STAT5B: variants seen among roughly 807,000 people sequenced by gnomAD.
STAT5B encodes transcription factor STAT5B.
In STAT5B, 21 loss-of-function variants were observed where a neutral mutation model predicts 107.8. That is an observed-to-expected ratio of 0.19 (90% CI 0.14 to 0.28). The LOEUF (loss-of-function observed/expected upper bound fraction) is 0.28, where lower values mean the gene tolerates loss of function less well. Ranked by LOEUF, STAT5B falls within the 10% of genes least tolerant of loss-of-function variation. The pLI, the probability that STAT5B is intolerant of heterozygous loss-of-function variation, is 1.00. For missense variants in STAT5B, 565 were observed against 1,008.2 expected, an observed-to-expected ratio of 0.56 and a Z score of 5.95; for synonymous variants, 325 against 401.7, an observed-to-expected ratio of 0.81 and a Z score of 2.28.
chr17:42,225,137 C>G (rs1018761230), intron 3 of STAT5B, among the ~76,000 whole-genome samples: 1 of 152,162 alleles, frequency 6.6e-6, no homozygotes, highest in Non-Finnish European at 1.5e-5. Flanking sequence ...CCACTGCAAC[C>G]TCTGCCTCCT....
chr17:42,240,571 A>T (rs555160397), intron 1 of STAT5B, among the ~76,000 whole-genome samples: 3 of 152,190 alleles, frequency 2.0e-5, no homozygotes, highest in Admixed American at 1.3e-4. Context: ...GATAGTGGTG[A>T]TAATTGTATA....
At chr17:42,202,155 G>A (rs993557759) in intron 18 of STAT5B, 185 bp downstream of exon 18, 22 of 717,922 alleles carry the variant, frequency 3.1e-5, no homozygotes, top group African/African-American at 7.2e-5. Flanking sequence ...TGCCCAACCC[G>A]ACTCTAAACC....
chr17:42,220,889 C>A (rs1376059949), intron 5 of STAT5B, among the ~76,000 whole-genome samples: 5 of 152,116 alleles, frequency 3.3e-5, no homozygotes, highest in African/African-American at 7.2e-5. Context: ...TCCACAGTTA[C>A]AACCACCACC....
chr17:42,217,799 G>A (rs944759034), intron 9 of STAT5B: 2 of 438,678 alleles, frequency 4.6e-6, no homozygotes, highest in East Asian at 5.1e-5. Context: ...CTGCCTCCCA[G>A]GTTCAAGGGA....
intron 9 of STAT5B, 124 bp downstream of exon 9, chr17:42,218,027 T>C: frequency 6.7e-7 from 1 of 1,503,534 alleles, no homozygotes; most frequent in Non-Finnish European, 9.1e-7. Context: ...TTATATTCCT[T>C]TGCTGATGCC....
At chr17:42,247,765 T>C (rs915274387) in intron 1 of STAT5B, among the ~76,000 whole-genome samples, 2 of 151,952 alleles carry the variant, frequency 1.3e-5, no homozygotes, top group African/African-American at 4.8e-5. Flanking sequence ...TTGGGCAACA[T>C]ATCAAGGCTC....
At chr17:42,256,768 A>C (rs1305451922) in intron 1 of STAT5B, among the ~76,000 whole-genome samples, 1 of 147,624 alleles carries the variant, frequency 6.8e-6, no homozygotes, top group Admixed American at 6.9e-5. Context: ...AGGCTGAGGC[A>C]GGAGAATGGC....
chr17:42,225,868 T>C (rs1224977646), intron 3 of STAT5B, among the ~76,000 whole-genome samples: 1 of 152,182 alleles, frequency 6.6e-6, no homozygotes, highest in Non-Finnish European at 1.5e-5. Flanking sequence ...AACGTAATCA[T>C]GAGGAAACAT....
At chr17:42,223,261 A>T in intron 5 of STAT5B, 121 bp downstream of exon 5, 1 of 1,424,770 alleles carries the variant, frequency 7.0e-7, no homozygotes, top group Non-Finnish European at 9.7e-7. Context: ...AGTCCCTGCT[A>T]CTCAGAGAAA....
At chr17:42,246,838 T>C (rs1011408640) in intron 1 of STAT5B, among the ~76,000 whole-genome samples, 3 of 152,136 alleles carry the variant, frequency 2.0e-5, no homozygotes, top group Non-Finnish European at 4.4e-5. Context: ...TGAACACAAC[T>C]GGCTTACGTG....
At chr17:42,224,365 A>T (rs1267752523) in intron 4 of STAT5B, among the ~76,000 whole-genome samples, 1 of 150,654 alleles carries the variant, frequency 6.6e-6, no homozygotes, top group Non-Finnish European at 1.5e-5. Context: ...TTTTTTTGAG[A>T]CAGGGTCTCA....
chr17:42,261,919 C>T (rs961387575), intron 1 of STAT5B, among the ~76,000 whole-genome samples: 9 of 152,048 alleles, frequency 5.9e-5, no homozygotes, highest in African/African-American at 1.7e-4. Context: ...AGGCTAGTCT[C>T]GAACTCCCGG....
At position 42,218,226 on chromosome 17, in the gene STAT5B, T is replaced by G. The variant is rs1598302765; in HGVS notation, c.1094A>C (p.Asn365Thr). ...GATGGTGGCCTTCACCTGGGGGGGG[T>G]TCATGTGCACGTTCAGCTTCCCGCC... ...LVGGKLNVHM[N>T]PPQVKATIIS... The change falls in exon 9 of 19, where the codon AAC becomes ACC. Residue 365 changes from asparagine to threonine, a missense_variant. Around this residue, in one of 11 missense-constraint regions of STAT5B, gnomAD observed 70 missense variants for 73.2 expected, o/e 0.96. Coordinates refer to ENST00000293328, the MANE Select transcript of STAT5B (RefSeq NM_012448.4). 6.2e-7 allele frequency: 1 copy of G among 1,612,818 alleles called. No individual in the cohort carries two copies. The highest frequency in any genetic ancestry group is 8.5e-7 in the Non-Finnish European group (1 of 1,179,756).
intron 7 of STAT5B, 96 bp from the exon 8 acceptor site, chr17:42,218,974 G>C: frequency 6.4e-7 from 1 of 1,556,332 alleles, no homozygotes; most frequent in South Asian, 1.2e-5. Context: ...GGAAGGCTCT[G>C]TGCTTTCGCC....
intron 12 of STAT5B, 145 bp downstream of exon 12, chr17:42,215,869 G>A (rs1039350823): frequency 5.2e-5 from 45 of 869,560 alleles, no homozygotes; most frequent in African/African-American, 8.3e-5. Context: ...TGATCCAACC[G>A]CCTCGGCCTC....
upstream of STAT5B, among the ~76,000 whole-genome samples, chr17:42,281,662 G>T (rs925690376): frequency 6.6e-6 from 1 of 152,188 alleles, no homozygotes; most frequent in Non-Finnish European, 1.5e-5. Flanking sequence ...TGGAGGACTC[G>T]CCACCTGGAG....
rs1307103618 is a variant in STAT5B, at chr17:42,249,544, A to C, written c.-10-17407T>G. Among the ~76,000 whole-genome samples the C allele has an allele frequency of 4.6e-5, 7 of 152,238 alleles. No individual in the cohort carries two copies. In the South Asian group the frequency reaches 1.2e-3, roughly 27 times the overall value. On this transcript the variant is annotated intron_variant, in intron 1 of 18. Coordinates refer to ENST00000293328, the MANE Select transcript of STAT5B (RefSeq NM_012448.4). ...GTCATTCTGCAACATGCTAGGGCAC[A>C]GGCAAGGTTCAATGCTGACAACCAG...
chr17:42,206,497 T>C (rs530619036), intron 16 of STAT5B, among the ~76,000 whole-genome samples: 1 of 152,308 alleles, frequency 6.6e-6, no homozygotes, highest in East Asian at 1.9e-4. Flanking sequence ...ATATATAGAG[T>C]GCAAGAATAG....
At chr17:42,204,910 A>G (rs2080074071) in intron 16 of STAT5B, among the ~76,000 whole-genome samples, 1 of 152,212 alleles carries the variant, frequency 6.6e-6, no homozygotes, top group African/African-American at 2.4e-5. Flanking sequence ...CACTGTGCCC[A>G]GGCCCAAATT....
Sources: allele counts gnomAD v4.1 joint callset (sites outside exome capture counted in the v4.1 genomes callset), GRCh38; gene constraint gnomAD v4.1.1; regional missense constraint gnomAD v4.1.1; transcripts MANE v1.5; gene names NCBI Gene and HGNC (gene_info 2026-07-23, HGNC 2026-07-21).